NEB: variants seen among roughly 807,000 people sequenced by gnomAD.
The protein encoded by NEB is nemaline myopathy type 2.
A neutral mutation model predicts 952.2 loss-of-function variants in NEB; 512 were observed. That is an observed-to-expected ratio of 0.54 (90% CI 0.50 to 0.58). The LOEUF is 0.58. Ranked by LOEUF, NEB falls within the 20% of genes least tolerant of loss-of-function variation. NEB has a pLI of 0.00. For missense variants in NEB, 8,428 were observed against 9,231.1 expected (o/e 0.91, Z 3.56); for synonymous variants, 2,900 against 3,149.8 (o/e 0.92, Z 2.66).
intron 164 of NEB, chr2:151,505,840 A>T: frequency 1.9e-6 from 1 of 538,610 alleles, no homozygotes; most frequent in Non-Finnish European, 3.3e-6. Context: ...GTATACTCCA[A>T]TGTCTTTATG....
chr2:151,495,181 CAT>C (rs1305528078), intron 173 of NEB: 2 of 152,140 alleles, frequency 1.3e-5, no homozygotes, highest in Admixed American at 6.6e-5. Flanking sequence ...AAATGAGAAA[CAT>C]AGTAACACAT....
At chr2:151,578,805 G>A (rs1191420310) in intron 105 of NEB, among the ~76,000 whole-genome samples, 1 of 151,748 alleles carries the variant, frequency 6.6e-6, no homozygotes, top group East Asian at 2.0e-4. Flanking sequence ...GGCAAGGCTG[G>A]GCATGGTGGC....
chr2:151,493,516 GTGTTATGGCTCA>G (rs2058125930), intron 175 of NEB, 71 bp from the exon 176 acceptor site: 2 of 993,044 alleles, frequency 2.0e-6, no homozygotes, highest in African/African-American at 1.6e-5. Flanking sequence ...CACTTAGCTG[GTGTTATGGCTCA>G]TGTTATGGCT....
chr2:151,601,165 T>C (rs2097513876), intron 88 of NEB, among the ~76,000 whole-genome samples: 1 of 124,226 alleles, frequency 8.0e-6, no homozygotes, highest in Admixed American at 7.6e-5. Context: ...TAGAGTGCAG[T>C]AGCACGATCT....
In NEB at chr2:151,694,429, T is replaced by C. The variant is rs746838940; in HGVS notation, c.1790A>G (p.Tyr597Cys). The change falls in exon 20 of 182, where the codon TAC (tyrosine) becomes TGC (cysteine). Residue 597 changes from tyrosine (Y) to cysteine (C), a missense_variant. Around this residue, in one of 11 missense-constraint regions of NEB, gnomAD observed 2,851 missense variants for 2,791.5 expected, o/e 1.02. Coordinates refer to ENST00000397345, the MANE Select transcript of NEB (RefSeq NM_001164508.2). ...ANTKNTSDVMYKKDYEKNKGK... is the reference protein window; with the variant it reads ...ANTKNTSDVMCKKDYEKNKGK... The stretch of plus-strand genomic sequence containing the variant: ...TTTGTTTTTTTCATAGTCTTTCTTG[T>C]ACATCACCTGCAAAGACATCACACA... The C allele has an allele frequency of 1.2e-6, 2 of 1,613,546 alleles. No individual in the cohort carries two copies. Among genetic ancestry groups the C allele is most frequent in the South Asian group, 1.1e-5 (1 of 91,062 alleles).
In NEB at chr2:151,679,906, C is replaced by A. The variant is rs761951759; in HGVS notation, c.3147+12G>T. The A allele has an allele frequency of 4.4e-6, 7 of 1,608,308 alleles. No individual in the cohort carries two copies. The East Asian group carries it at 1.6e-4, about 36-fold the overall frequency. On this transcript the variant is annotated intron_variant, in intron 31 of 181. Coordinates refer to ENST00000397345, the MANE Select transcript of NEB (RefSeq NM_001164508.2). ...TGGACATACGCATCAGCCCGTGAGT[C>A]CACCCACGCACCTCACTGATATTGT...
At chr2:151,561,383 C>T (rs1180890623) in intron 121 of NEB, 71 bp from the exon 122 acceptor site, 1 of 1,028,858 alleles carries the variant, frequency 9.7e-7, no homozygotes, top group Non-Finnish European at 1.5e-6. Context: ...CTGCTTGTGC[C>T]AACTTACATG....
Position 151,640,022 on chromosome 2 carries a change from A to G in NEB, c.8724T>C (p.Ile2908=). The G allele has an allele frequency of 6.2e-7, 1 of 1,613,982 alleles. No homozygotes were observed. Among genetic ancestry groups the G allele is most frequent in the Non-Finnish European group, 8.5e-7 (1 of 1,179,830 alleles). The change falls in exon 62 of 182, where the codon ATT becomes ATC. Residue 2908 remains isoleucine, a synonymous_variant. Coordinates refer to ENST00000397345, the MANE Select transcript of NEB (RefSeq NM_001164508.2). ...YKSDLQWMRG[I]GWVSIGSLDV... Reference sequence around the variant, plus strand: ...CCAAAGAGCCAATGGACACCCAGCCAATGCCTCTCATCCACTGGAGATCAG... The same window carrying G: ...CCAAAGAGCCAATGGACACCCAGCCGATGCCTCTCATCCACTGGAGATCAG...
intron 179 of NEB, 132 bp from the exon 180 acceptor site, chr2:151,490,650 C>T: frequency 9.2e-7 from 1 of 1,087,648 alleles, no homozygotes; most frequent in South Asian, 1.5e-5. Flanking sequence ...ATGGGTCAAA[C>T]CCTCACAGTT....
At chr2:151,663,419 C>G in intron 45 of NEB, 129 bp downstream of exon 45, 1 of 921,370 alleles carries the variant, frequency 1.1e-6, no homozygotes, top group East Asian at 2.6e-5. Context: ...TCTAAGGTAA[C>G]AAATGAAACA....
chr2:151,562,255 G>A (rs1456484408), intron 120 of NEB, 41 bp from the exon 121 acceptor site: 3 of 1,470,376 alleles, frequency 2.0e-6, no homozygotes, highest in African/African-American at 2.8e-5. Context: ...AAGGTATTCT[G>A]AATTTACAAT....
At chr2:151,512,236 G>A (rs867014941) in intron 161 of NEB, among the ~76,000 whole-genome samples, 4 of 151,826 alleles carry the variant, frequency 2.6e-5, no homozygotes, top group South Asian at 2.1e-4. Flanking sequence ...GAGTTTCACC[G>A]TGTTAGCCAG....
At chr2:151,651,012 C>G in intron 52 of NEB, 127 bp from the exon 53 acceptor site, 1 of 880,688 alleles carries the variant, frequency 1.1e-6, no homozygotes, top group South Asian at 2.1e-5. Context: ...TGGTCTTGAA[C>G]TCCCAGGCCT....
chr2:151,680,102 GATC>G, intron 30 of NEB, 80 bp from the exon 31 acceptor site: 4 of 1,051,442 alleles, frequency 3.8e-6, no homozygotes, highest in Non-Finnish European at 5.8e-6. Flanking sequence ...TTTCCTAATG[GATC>G]ATATTTCACA....
At chr2:151,560,888 A>G (rs2095995219) in intron 123 of NEB, 116 bp downstream of exon 123, 3 of 782,442 alleles carry the variant, frequency 3.8e-6, no homozygotes, top group Non-Finnish European at 4.1e-6. Flanking sequence ...TTGAAGGTCC[A>G]GGAAAAAACC....
At chr2:151,628,926 A>C (rs2098597703) in intron 68 of NEB, among the ~76,000 whole-genome samples, 3 of 152,046 alleles carry the variant, frequency 2.0e-5, no homozygotes, top group Admixed American at 2.0e-4. Context: ...AAGAAGAAGA[A>C]GAAGTCTGAA....
At chr2:151,645,681 A>T (rs142489742) in intron 55 of NEB, among the ~76,000 whole-genome samples, 6 of 152,340 alleles carry the variant, frequency 3.9e-5, no homozygotes, top group African/African-American at 1.2e-4. Context: ...TCAGATGTAT[A>T]CATTTCAGGA....
Position 151,525,993 on chromosome 2 carries a change from C to G in NEB, c.22126G>C (p.Val7376Leu), listed in dbSNP as rs1447689697. 1 of 1,614,014 alleles carries G rather than the reference C, an allele frequency of 6.2e-7. No individual in the cohort carries two copies. The highest frequency in any genetic ancestry group is 1.1e-5 in the South Asian group (1 of 91,080). ...TGCTTGGTCACTTCCTTGACGTGAA[C>G]AGTGTCCCGGGTCTCTGGTAGTGTT... ...YTTLPETRDT[V>L]HVKEVTKHVS... The change falls in exon 150 of 182, where the codon GTT becomes CTT. Residue 7376 changes from valine (V) to leucine (L), a missense_variant. By Grantham distance (32) the Val-to-Leu change is conservative. This residue lies in a region of NEB where 3,374 missense variants were observed against 3,651.5 expected (regional missense o/e 0.92). Coordinates refer to ENST00000397345, the MANE Select transcript of NEB (RefSeq NM_001164508.2).
At chr2:151,507,065 CTTT>C in intron 162 of NEB, 52 bp from the exon 163 acceptor site, 2 of 1,122,548 alleles carry the variant, frequency 1.8e-6, no homozygotes, top group Non-Finnish European at 1.3e-6. Context: ...GCTTTGTTTT[CTTT>C]ATTTGTCCTA....
Sources: allele counts gnomAD v4.1 joint callset (sites outside exome capture counted in the v4.1 genomes callset), GRCh38; gene constraint gnomAD v4.1.1; regional missense constraint gnomAD v4.1.1; transcripts MANE v1.5; gene names NCBI Gene and HGNC (gene_info 2026-07-23, HGNC 2026-07-21).